The following SLC10A6 variants were observed in gnomAD, a reference collection of about 807,000 sequenced individuals.
SLC10A6 encodes the protein solute carrier family 10 member 6.
SLC10A6 carries 27 observed loss-of-function variants against 30.0 expected under a neutral mutation model. The observed-to-expected ratio is 0.90, with a 90% confidence interval of 0.66 to 1.24. SLC10A6 has a LOEUF of 1.24. Among genes scored for constraint, SLC10A6 ranks in the 50% most tolerant of loss-of-function variants. SLC10A6 has a pLI of 0.00. For missense variants in SLC10A6, 439 were observed against 457.0 expected (o/e 0.96, Z 0.36); for synonymous variants, 166 against 173.8 (o/e 0.95, Z 0.36).
intron 2 of SLC10A6, among the ~76,000 whole-genome samples, chr4:86,833,001 TC>T (rs1391274457): frequency 6.6e-6 from 1 of 152,128 alleles, no homozygotes; most frequent in East Asian, 1.9e-4. Context: ...TATCTGGCTT[TC>T]TTTTTTTTTC....
chr4:86,824,635 T>G (rs1745948318), intron 5 of SLC10A6, among the ~76,000 whole-genome samples: 1 of 152,076 alleles, frequency 6.6e-6, no homozygotes. Context: ...CTGGGTATAT[T>G]GTGTGATGCT....
chr4:86,832,958 T>C (rs1746110237), intron 2 of SLC10A6, among the ~76,000 whole-genome samples: 1 of 152,198 alleles, frequency 6.6e-6, no homozygotes, highest in Non-Finnish European at 1.5e-5. Context: ...TCTAATTACA[T>C]AAGGGTTTGA....
intron 5 of SLC10A6, among the ~76,000 whole-genome samples, chr4:86,825,195 A>G (rs1745958181): frequency 6.6e-6 from 1 of 152,226 alleles, no homozygotes; most frequent in Non-Finnish European, 1.5e-5. Context: ...ATATTTGTTT[A>G]TAATTATAAG....
intron 1 of SLC10A6, among the ~76,000 whole-genome samples, chr4:86,835,020 A>G (rs1011738560): frequency 2.2e-4 from 33 of 152,202 alleles, no homozygotes; most frequent in African/African-American, 7.0e-4. Flanking sequence ...CCATGATCCA[A>G]TAGCCTCCCA....
intron 5 of SLC10A6, 91 bp from the exon 6 acceptor site, chr4:86,823,993 G>T: frequency 1.7e-6 from 2 of 1,182,384 alleles, no homozygotes; most frequent in Non-Finnish European, 2.4e-6. Context: ...TCAGGTGTTT[G>T]TTTCAGTGGC....
chr4:86,842,734 AAAGAC>A (rs1315705846), intron 1 of SLC10A6, among the ~76,000 whole-genome samples: 2 of 141,150 alleles, frequency 1.4e-5, no homozygotes, highest in African/African-American at 5.1e-5. Context: ...AAAGAAAAGA[AAAGAC>A]AAGACAGTGG....
At chr4:86,832,796 G>C (rs1746102059) in intron 2 of SLC10A6, among the ~76,000 whole-genome samples, 1 of 152,108 alleles carries the variant, frequency 6.6e-6, no homozygotes, top group Admixed American at 6.6e-5. Flanking sequence ...ATGTAGATGA[G>C]TTTTCATAAT....
chr4:86,837,261 AAG>A (rs1746205792), intron 1 of SLC10A6, among the ~76,000 whole-genome samples: 11 of 118,256 alleles, frequency 9.3e-5, no homozygotes, highest in African/African-American at 2.9e-4. Flanking sequence ...GAAAGAAAGA[AAG>A]AAAGAAAGAA....
chr4:86,825,429 T>TA lies in SLC10A6; in HGVS notation c.909dup (p.Ile304TyrfsTer46). 6.3e-7 allele frequency: 1 copy of TA among 1,593,266 alleles called. No individual in the cohort carries two copies. The highest frequency in any genetic ancestry group is 8.6e-7 in the Non-Finnish European group (1 of 1,163,080). On this transcript the variant is annotated frameshift_variant, in exon 5 of 6. Coordinates refer to ENST00000273905, the MANE Select transcript of SLC10A6 (RefSeq NM_197965.3). LOFTEE classifies it low-confidence loss of function (END_TRUNC). ...ATGGGTGTTCACCCACCTGCAACAA[T>TA]AAGAAATCCATCTATCAGCTGGAAG...
chr4:86,838,695 T>C (rs1746240611), intron 1 of SLC10A6, among the ~76,000 whole-genome samples: 1 of 151,392 alleles, frequency 6.6e-6, no homozygotes, highest in African/African-American at 2.4e-5. Context: ...GGCCAAGGCG[T>C]GCAGATTACC....
At chr4:86,840,092 T>TA (rs992428778) in intron 1 of SLC10A6, among the ~76,000 whole-genome samples, 2 of 150,092 alleles carry the variant, frequency 1.3e-5, no homozygotes, top group African/African-American at 5.0e-5. Flanking sequence ...TTTTTTTTTT[T>TA]AATTTTTAGT....
chr4:86,834,258 C>G (rs538147970), intron 1 of SLC10A6, among the ~76,000 whole-genome samples: 1 of 152,170 alleles, frequency 6.6e-6, no homozygotes, highest in Non-Finnish European at 1.5e-5. Flanking sequence ...CTCCTCTTCC[C>G]CTTCCACCAT....
In SLC10A6 at chr4:86,842,793, TC is replaced by T. The variant is rs1746314436; in HGVS notation, c.377+5945del. Among the ~76,000 whole-genome samples the T allele has an allele frequency of 6.2e-3, 24 of 3,902 alleles. 1 individual carries two copies. In the South Asian group the frequency reaches 0.15, roughly 24 times the overall value. 2.6% of individuals were successfully genotyped at this position (3,902 alleles called of 152,430 possible). ...TCAATAAATGGACACCTCTTTTCTT[TC>T]TTTCTTTCTTTCTTTCTTTCTTTCT... On this transcript the variant is annotated intron_variant, in intron 1 of 5. Coordinates refer to ENST00000273905, the MANE Select transcript of SLC10A6 (RefSeq NM_197965.3).
rs79322529 is a variant in SLC10A6 at position 86,835,894 on chromosome 4, G to A, written c.378-2470C>T. On this transcript the variant is annotated intron_variant, in intron 1 of 5. Coordinates refer to ENST00000273905, the MANE Select transcript of SLC10A6 (RefSeq NM_197965.3). ...AAAAAAGCTGAGTCACTTAGCATCA[G>A]TTAGAGGGGTTGTGTTAAGTAAGGT... Among the ~76,000 whole-genome samples, 1,467 of 152,152 alleles carry A rather than the reference G, an allele frequency of 9.6e-3. 30 individuals carry two copies. Among genetic ancestry groups the A allele is most frequent in the African/African-American group, 0.033 (1,389 of 41,526 alleles).
At chr4:86,845,052 G>A (rs1746369634) in intron 1 of SLC10A6, among the ~76,000 whole-genome samples, 2 of 152,006 alleles carry the variant, frequency 1.3e-5, no homozygotes, top group Admixed American at 6.6e-5. Context: ...AATTGGGTGG[G>A]GACACAGAGC....
intron 5 of SLC10A6, among the ~76,000 whole-genome samples, chr4:86,824,513 T>C (rs923458280): frequency 6.6e-6 from 1 of 152,152 alleles, no homozygotes; most frequent in Admixed American, 6.5e-5. Context: ...CCCAATTCCC[T>C]AACAGCAGCA....
intron 3 of SLC10A6, among the ~76,000 whole-genome samples, chr4:86,830,513 A>G (rs1746060769): frequency 6.6e-6 from 1 of 152,260 alleles, no homozygotes; most frequent in Non-Finnish European, 1.5e-5. Flanking sequence ...AAAGTCATCC[A>G]TATGCAATAC....
intron 1 of SLC10A6, among the ~76,000 whole-genome samples, chr4:86,838,443 T>A (rs1046791445): frequency 9.2e-5 from 14 of 152,136 alleles, no homozygotes; most frequent in African/African-American, 3.1e-4. Flanking sequence ...ACTGAATAAA[T>A]GTATGAATCA....
Position 86,823,509 on chromosome 4 carries a change from A to G in SLC10A6, c.*179T>C. 1 of 529,394 alleles carries G rather than the reference A, an allele frequency of 1.9e-6. No individual in the cohort carries two copies. Among genetic ancestry groups the G allele is most frequent in the East Asian group, 3.1e-5 (1 of 32,330 alleles). 32.8% of individuals were successfully genotyped at this position (529,394 alleles called of 1,614,324 possible). On this transcript the variant is annotated 3_prime_UTR_variant, in exon 6 of 6. Coordinates refer to ENST00000273905, the MANE Select transcript of SLC10A6 (RefSeq NM_197965.3). ...TAACCCCCAGAAGAAACTCCCTGAA[A>G]TGGGAATCTCCAAAAGTGATCCCAT...
Sources: allele counts gnomAD v4.1 joint callset (sites outside exome capture counted in the v4.1 genomes callset), GRCh38; gene constraint gnomAD v4.1.1; transcripts MANE v1.5; gene names NCBI Gene and HGNC (gene_info 2026-07-23, HGNC 2026-07-21).